The following GABRB2 variants were observed in gnomAD, a reference collection of about 807,000 sequenced individuals.
The protein encoded by GABRB2 is gamma-aminobutyric acid receptor subunit beta-2.
Under a neutral mutation model 54.7 loss-of-function variants are expected in GABRB2, and 16 were observed. The ratio of observed to expected loss-of-function variants is 0.29; its 90% confidence interval spans 0.20 to 0.44. GABRB2 has a LOEUF of 0.44. GABRB2 is among the 20% of genes least tolerant of loss of function. The probability of loss-of-function intolerance (pLI) is 1.00; values close to 1 mark genes in which losing one functional copy is unlikely to be tolerated. For missense variants in GABRB2, 355 were observed against 644.0 expected (o/e 0.55, Z 4.86); for synonymous variants, 244 against 233.8 (o/e 1.04, Z -0.40).
intron 3 of GABRB2, among the ~76,000 whole-genome samples, chr5:161,532,296 G>C (rs1760487427): frequency 6.6e-6 from 1 of 152,060 alleles, no homozygotes; most frequent in Non-Finnish European, 1.5e-5. Flanking sequence ...TACCCACTCA[G>C]TCAGTCCACT....
intron 3 of GABRB2, among the ~76,000 whole-genome samples, chr5:161,532,095 A>G (rs1409242761): frequency 6.6e-6 from 1 of 152,164 alleles, no homozygotes; most frequent in Non-Finnish European, 1.5e-5. Context: ...ATGAGCTATT[A>G]CTAGAGACAC....
intron 5 of GABRB2, among the ~76,000 whole-genome samples, chr5:161,379,729 C>T (rs537724863): frequency 4.9e-4 from 75 of 152,194 alleles, no homozygotes; most frequent in African/African-American, 1.7e-3. Context: ...TGAGTCAAAT[C>T]AACTTGCACT....
chr5:161,409,366 T>A (rs904135178), intron 5 of GABRB2, among the ~76,000 whole-genome samples: 4 of 152,142 alleles, frequency 2.6e-5, no homozygotes, highest in African/African-American at 9.7e-5. Flanking sequence ...AGAATTATCA[T>A]GTTAATTTTT....
chr5:161,363,708 A>G (rs1217804221), intron 5 of GABRB2, among the ~76,000 whole-genome samples: 1 of 152,062 alleles, frequency 6.6e-6, no homozygotes, highest in Non-Finnish European at 1.5e-5. Flanking sequence ...CCTCAAAAAA[A>G]CAAAAAGAAA....
intron 3 of GABRB2, among the ~76,000 whole-genome samples, chr5:161,503,311 C>A (rs921943341): frequency 2.0e-5 from 3 of 150,862 alleles, no homozygotes; most frequent in Non-Finnish European, 4.4e-5. Flanking sequence ...TGAAAAAGAG[C>A]AGAAAAATTG....
At chr5:161,451,324 A>G (rs1757782062) in intron 4 of GABRB2, among the ~76,000 whole-genome samples, 1 of 152,164 alleles carries the variant, frequency 6.6e-6, no homozygotes, top group Non-Finnish European at 1.5e-5. Context: ...GGAGGTGTAT[A>G]CACATGTGAA....
At position 161,323,941 on chromosome 5, in the gene GABRB2, T is replaced by C. The variant is rs192702789; in HGVS notation, c.1191+2427A>G. ...ATAACTTTGAACCTAGCAAATCCAT[T>C]TTAAGAAATATATCAGGAACAATGG... On this transcript the variant is annotated intron_variant, in intron 9 of 9. Coordinates refer to ENST00000393959, the MANE Select transcript of GABRB2 (RefSeq NM_001371727.1). 3.7e-4 allele frequency among the ~76,000 whole-genome samples: 57 copies of C among 152,296 alleles called. No individual in the cohort carries two copies. In the East Asian group the frequency reaches 0.01, roughly 27 times the overall value.
At chr5:161,492,144 T>C (rs1479812183) in intron 3 of GABRB2, among the ~76,000 whole-genome samples, 1 of 151,652 alleles carries the variant, frequency 6.6e-6, no homozygotes, top group Non-Finnish European at 1.5e-5. Context: ...TCTCAGAAAG[T>C]AAATATCATT....
chr5:161,496,790 C>T (rs142241053), intron 3 of GABRB2, among the ~76,000 whole-genome samples: 3 of 152,066 alleles, frequency 2.0e-5, no homozygotes, highest in African/African-American at 7.2e-5. Context: ...TGATATTTTT[C>T]TTTGTAACAT....
rs1422545988 is a variant in GABRB2 at position 161,292,625 on chromosome 5, T to C, written c.*1456A>G. The C allele has an allele frequency of 6.6e-6, 1 of 152,242 alleles. No homozygotes were observed. The highest frequency in any genetic ancestry group is 2.4e-5 in the African/African-American group (1 of 41,474). The allele number at this position is 152,242 out of a possible 1,614,324, so 9.4% of individuals were successfully genotyped here. On this transcript the variant is annotated 3_prime_UTR_variant, in exon 10 of 10. Coordinates refer to ENST00000393959, the MANE Select transcript of GABRB2 (RefSeq NM_001371727.1). ...CAACTGAGGCTCATAACATTTATCA[T>C]GTTAATGTGGCTTTGTTATTATTTT... is the stretch of plus-strand genomic sequence containing the variant.
intron 3 of GABRB2, among the ~76,000 whole-genome samples, chr5:161,533,793 A>G (rs1317722206): frequency 6.6e-6 from 1 of 152,200 alleles, no homozygotes; most frequent in East Asian, 1.9e-4. Context: ...CATCAGTGGT[A>G]GTAGTGGTAT....
Position 161,546,704 on chromosome 5 carries a change from C to A in GABRB2, c.-61G>T. ...AAGAGAGGAGATCCAACTTAGTCTG[C>A]CCAGTGCAGTAATTCTAATGTGAGG... On this transcript the variant is annotated 5_prime_UTR_variant, in exon 1 of 10. Coordinates refer to ENST00000393959, the MANE Select transcript of GABRB2 (RefSeq NM_001371727.1). The A allele has an allele frequency of 6.4e-7, 1 of 1,552,500 alleles. No individual in the cohort carries two copies. The highest frequency in any genetic ancestry group is 8.7e-7 in the Non-Finnish European group (1 of 1,147,530).
chr5:161,344,091 T>C (rs1284257575), intron 5 of GABRB2, among the ~76,000 whole-genome samples: 2 of 152,108 alleles, frequency 1.3e-5, no homozygotes, highest in African/African-American at 4.8e-5. Flanking sequence ...TGCCATGTGG[T>C]AAGTGTCAGG....
intron 4 of GABRB2, among the ~76,000 whole-genome samples, chr5:161,455,601 C>T (rs1314953058): frequency 6.7e-6 from 1 of 150,176 alleles, no homozygotes; most frequent in Non-Finnish European, 1.5e-5. Flanking sequence ...CATGAATTCG[C>T]TCATTGCAAC....
At position 161,481,375 on chromosome 5, in the gene GABRB2, T is replaced by G. The variant is rs550750696; in HGVS notation, c.238-21531A>C. Among the ~76,000 whole-genome samples the G allele has an allele frequency of 3.3e-5, 5 of 152,156 alleles. No individual in the cohort carries two copies. In the East Asian group the frequency reaches 9.7e-4, roughly 30 times the overall value. The stretch of plus-strand genomic sequence containing the variant: ...TTCTCTTCAATAGGCCTCCTTCTAA[T>G]TATTACTCATACGTACTACTGAAAA... On this transcript the variant is annotated intron_variant, in intron 3 of 9. Coordinates refer to ENST00000393959, the MANE Select transcript of GABRB2 (RefSeq NM_001371727.1).
chr5:161,380,253 C>A (rs1219405309), intron 5 of GABRB2, among the ~76,000 whole-genome samples: 2 of 152,206 alleles, frequency 1.3e-5, no homozygotes, highest in Non-Finnish European at 2.9e-5. Flanking sequence ...TCTCACAACT[C>A]CATAATACTA....
At chr5:161,405,253 T>C (rs1397912914) in intron 5 of GABRB2, among the ~76,000 whole-genome samples, 1 of 152,144 alleles carries the variant, frequency 6.6e-6, no homozygotes, top group East Asian at 1.9e-4. Flanking sequence ...CCATGGTTTA[T>C]ATATCATTCA....
intron 9 of GABRB2, among the ~76,000 whole-genome samples, chr5:161,315,956 T>C (rs1268829921): frequency 2.6e-5 from 4 of 152,224 alleles, no homozygotes; most frequent in Admixed American, 6.5e-5. Context: ...AAAGGGAAAC[T>C]TGTTAAAGCG....
chr5:161,541,491 G>C (rs1220352368), intron 3 of GABRB2, among the ~76,000 whole-genome samples: 1 of 152,172 alleles, frequency 6.6e-6, no homozygotes, highest in African/African-American at 2.4e-5. Context: ...AGTCTTTTGT[G>C]CAGAATAGCC....
Sources: allele counts gnomAD v4.1 joint callset (sites outside exome capture counted in the v4.1 genomes callset), GRCh38; gene constraint gnomAD v4.1.1; transcripts MANE v1.5; gene names NCBI Gene and HGNC (gene_info 2026-07-23, HGNC 2026-07-21).